TFDP2: variants seen among roughly 807,000 people sequenced by gnomAD.
TFDP2 encodes the protein transcription factor Dp-2, also known as transcription factor Dp-2 (E2F dimerization partner 2).
A neutral mutation model predicts 59.3 loss-of-function variants in TFDP2; 17 were observed. That is an observed-to-expected ratio of 0.29 (90% CI 0.20 to 0.43). The LOEUF (loss-of-function observed/expected upper bound fraction) is 0.43. TFDP2 is among the 20% of genes least tolerant of loss of function. The pLI is 1.00. For missense variants in TFDP2, 391 were observed against 528.8 expected (o/e 0.74, Z 2.56); for synonymous variants, 180 against 194.7 (o/e 0.92, Z 0.63).
intron 3 of TFDP2, among the ~76,000 whole-genome samples, chr3:142,084,367 C>G (rs1009946121): frequency 2.6e-5 from 4 of 152,080 alleles, no homozygotes; most frequent in African/African-American, 9.7e-5. Context: ...AACCCTTGTA[C>G]GCTGTTGGCA....
chr3:142,101,771 G>C lies in TFDP2; in HGVS notation c.-22C>G. ...TCATGTCAAACTGTATTCTATTTAA[G>C]ATTCTGTAAAGCCATTAAAAAAATA... On this transcript the variant is annotated 5_prime_UTR_variant, in exon 2 of 13. The change creates a new upstream start codon in the 5' untranslated region. Transcript: ENST00000489671. 1 of 1,301,822 alleles carries C rather than the reference G, an allele frequency of 7.7e-7. No individual in the cohort carries two copies. 80.6% of individuals were successfully genotyped at this position (1,301,822 alleles called of 1,614,324 possible).
At chr3:142,038,385 A>T (rs1218833972) in intron 3 of TFDP2, among the ~76,000 whole-genome samples, 1 of 126,552 alleles carries the variant, frequency 7.9e-6, no homozygotes, top group Non-Finnish European at 1.8e-5. Context: ...CTCCATCTCA[A>T]AAAAAAAAAA....
intron 3 of TFDP2, 104 bp downstream of exon 3, chr3:142,092,954 TATC>T: frequency 1.4e-6 from 1 of 738,158 alleles, no homozygotes. Context: ...AACGTGCTAA[TATC>T]ATAAAATTAT....
intron 3 of TFDP2, among the ~76,000 whole-genome samples, chr3:142,025,963 T>C (rs1427746965): frequency 6.6e-6 from 1 of 152,126 alleles, no homozygotes; most frequent in Non-Finnish European, 1.5e-5. Flanking sequence ...AAACTCCATC[T>C]CAAAAAACAA....
At chr3:142,118,281 G>A (rs1291372648) in intron 1 of TFDP2, among the ~76,000 whole-genome samples, 3 of 152,106 alleles carry the variant, frequency 2.0e-5, no homozygotes, top group African/African-American at 7.2e-5. Flanking sequence ...TAGGAACTCT[G>A]TCCACAAAAT....
In TFDP2 at chr3:142,030,423, A is replaced by C. The variant is rs553879974; in HGVS notation, c.83-24879T>G. Among the ~76,000 whole-genome samples the C allele has an allele frequency of 6.6e-5, 10 of 152,348 alleles. No homozygotes were observed. In the South Asian group the frequency reaches 2.1e-3, roughly 32 times the overall value. ...CAGAGGAGTTTTGAAAGAAAAAAGA[A>C]ACTTGGAAATTACACAGAATCTGAT... is the stretch of plus-strand genomic sequence containing the variant. On this transcript the variant is annotated intron_variant, in intron 3 of 12. Transcript: ENST00000489671.
chr3:141,957,291 T>G (rs1291058787), intron 11 of TFDP2, among the ~76,000 whole-genome samples: 5 of 152,192 alleles, frequency 3.3e-5, no homozygotes. Context: ...CACTCCAGCT[T>G]GGGCGACAGA....
At chr3:142,141,745 C>T (rs2062970689) in intron 1 of TFDP2, among the ~76,000 whole-genome samples, 1 of 151,938 alleles carries the variant, frequency 6.6e-6, no homozygotes, top group Non-Finnish European at 1.5e-5. Flanking sequence ...ATCACTTGAA[C>T]CCGGGAGTCG....
At chr3:141,991,167 A>G (rs1942722501) in intron 6 of TFDP2, among the ~76,000 whole-genome samples, 1 of 152,240 alleles carries the variant, frequency 6.6e-6, no homozygotes, top group East Asian at 1.9e-4. Flanking sequence ...CCCAAATAAT[A>G]AAAAAGTATT....
chr3:141,970,155 G>A lies in TFDP2; in HGVS notation c.664-14C>T, dbSNP rs1475981166. On this transcript the variant is annotated splice_polypyrimidine_tract_variant and intron_variant, in intron 8 of 12. Transcript: ENST00000489671. ...CTGCTTCTCTATCTTTAAAACATTG[G>A]TTACAAAATAATATGAACATAGGTA... The A allele has an allele frequency of 6.2e-7, 1 of 1,612,810 alleles. No individual in the cohort carries two copies. Among genetic ancestry groups the A allele is most frequent in the Non-Finnish European group, 8.5e-7 (1 of 1,178,876 alleles).
chr3:142,013,078 C>T (rs998312510), intron 3 of TFDP2, among the ~76,000 whole-genome samples: 13 of 151,968 alleles, frequency 8.6e-5, no homozygotes, highest in African/African-American at 3.1e-4. Context: ...CGGAGGTTGC[C>T]ATGAGCTAAG....
At position 142,093,080 on chromosome 3, in the gene TFDP2, C is replaced by T; in HGVS notation, c.63G>A (p.Gln21=). The change falls in exon 3 of 13, where the codon CAG becomes CAA. Residue 21 remains glutamine, a synonymous_variant. Coordinates refer to ENST00000489671, the MANE Select transcript of TFDP2 (RefSeq NM_001178139.2). ...TNAEVRGFID[Q]NLSPTKGNIS... is the part of the protein sequence containing the mutation. Reference sequence around the variant, plus strand: ...CCTTACCTTTTGTTGGACTGAGATTCTGATCTATAAATCCTCTTACTTCTG... The same window carrying T: ...CCTTACCTTTTGTTGGACTGAGATTTTGATCTATAAATCCTCTTACTTCTG... The T allele has an allele frequency of 6.5e-7, 1 of 1,538,430 alleles. No homozygotes were observed. Among genetic ancestry groups the T allele is most frequent in the Non-Finnish European group, 8.7e-7 (1 of 1,148,466 alleles).
chr3:141,986,563 A>G (rs998787445), intron 6 of TFDP2, among the ~76,000 whole-genome samples: 3 of 152,138 alleles, frequency 2.0e-5, no homozygotes, highest in Non-Finnish European at 4.4e-5. Flanking sequence ...CATTCTGCAG[A>G]TGGGCATTTG....
Position 141,950,417 on chromosome 3 carries a change from GCTTT to G in TFDP2, c.*2092_*2095del, listed in dbSNP as rs536953614. On this transcript the variant is annotated 3_prime_UTR_variant, in exon 13 of 13. Transcript: ENST00000489671. Reference sequence around the variant, plus strand: ...CCAATAAGGATAAGAGTCTTTGGCGGCTTTCTTTTTTTGAGCCCATATTTTATCA... The same window carrying G: ...CCAATAAGGATAAGAGTCTTTGGCGGCTTTTTTTGAGCCCATATTTTATCA... 3.7e-4 allele frequency: 57 copies of G among 152,446 alleles called. 1 individual carries two copies. The highest frequency in any genetic ancestry group is 1.3e-3 in the African/African-American group (53 of 41,538). The allele number at this position is 152,446 out of a possible 1,614,324, so 9.4% of individuals were successfully genotyped here.
intron 3 of TFDP2, among the ~76,000 whole-genome samples, chr3:142,086,571 A>G (rs2060816888): frequency 6.6e-6 from 1 of 152,218 alleles, no homozygotes; most frequent in Non-Finnish European, 1.5e-5. Context: ...CAACAGCCAG[A>G]TGAAGAAATA....
intron 4 of TFDP2, 122 bp from the exon 5 acceptor site, chr3:141,995,263 G>T: frequency 1.5e-6 from 1 of 683,898 alleles, no homozygotes; most frequent in Non-Finnish European, 2.2e-6. Flanking sequence ...GGCACTTAAT[G>T]TCAGTCATCT....
chr3:142,093,920 T>C (rs1183375495), intron 2 of TFDP2: 1 of 503,610 alleles, frequency 2.0e-6, no homozygotes, highest in Non-Finnish European at 3.9e-6. Flanking sequence ...TAGCACAGGA[T>C]TTGGCACATA....
intron 6 of TFDP2, among the ~76,000 whole-genome samples, chr3:141,986,202 G>A (rs1942081730): frequency 6.6e-6 from 1 of 152,158 alleles, no homozygotes; most frequent in African/African-American, 2.4e-5. Flanking sequence ...CTGTCCCATC[G>A]TCTAGTGACT....
At chr3:142,031,792 C>T (rs910676831) in intron 3 of TFDP2, among the ~76,000 whole-genome samples, 3 of 152,134 alleles carry the variant, frequency 2.0e-5, no homozygotes, top group Non-Finnish European at 2.9e-5. Flanking sequence ...TTAACAGACA[C>T]ATTTATGATT....
Sources: allele counts gnomAD v4.1 joint callset (sites outside exome capture counted in the v4.1 genomes callset), GRCh38; gene constraint gnomAD v4.1.1; transcripts MANE v1.5; gene names NCBI Gene and HGNC (gene_info 2026-07-23, HGNC 2026-07-21).